The following ADAMTSL2 variants were observed in gnomAD, a reference collection of about 807,000 sequenced individuals.
The protein encoded by ADAMTSL2 is ADAMTS like 2.
A neutral mutation model predicts 117.0 loss-of-function variants in ADAMTSL2; 55 were observed. That is an observed-to-expected ratio of 0.47 (90% CI 0.38 to 0.59). The LOEUF (loss-of-function observed/expected upper bound fraction) is 0.59, where lower values mean the gene tolerates loss of function less well. ADAMTSL2 is among the 20% of genes least tolerant of loss of function. ADAMTSL2 has a pLI of 0.00. For synonymous variants in ADAMTSL2, 572 were observed against 566.4 expected (o/e 1.01, Z -0.14); for missense variants, 1,182 against 1,354.5 (o/e 0.87, Z 2.00).
At chr9:133,552,987 C>G (rs1231444066) in intron 9 of ADAMTSL2, among the ~76,000 whole-genome samples, 1 of 152,202 alleles carries the variant, frequency 6.6e-6, no homozygotes, top group Admixed American at 6.5e-5. Context: ...TGTATAGCCC[C>G]TTCTCCCAGG....
intron 9 of ADAMTSL2, among the ~76,000 whole-genome samples, chr9:133,553,964 C>T (rs1294490603): frequency 3.9e-5 from 6 of 152,216 alleles, no homozygotes; most frequent in Non-Finnish European, 4.4e-5. Context: ...AGAGGGACAC[C>T]GTGATTACTT....
Position 133,534,774 on chromosome 9 carries a change from G to C in ADAMTSL2, c.-294G>C, listed in dbSNP as rs1830008587. 1.4e-6 allele frequency: 2 copies of C among 1,471,142 alleles called. No homozygotes were observed. The highest frequency in any genetic ancestry group is 1.8e-6 in the Non-Finnish European group (2 of 1,105,782). 91.1% of individuals were successfully genotyped at this position (1,471,142 alleles called of 1,614,324 possible). ...TGAAGTGGGAGAGGGAGGCGGCGCG[G>C]GGGAGGAGGGGAAGGGGAGAGGGAG... On this transcript the variant is annotated 5_prime_UTR_variant, in exon 1 of 19. Coordinates refer to ENST00000651351, the MANE Select transcript of ADAMTSL2 (RefSeq NM_014694.4).
intron 7 of ADAMTSL2, among the ~76,000 whole-genome samples, chr9:133,541,316 T>C (rs1429517173): frequency 6.8e-6 from 1 of 147,136 alleles, no homozygotes; most frequent in Non-Finnish European, 1.5e-5. Flanking sequence ...TGAGACAGAG[T>C]CTTGCTCTGT....
At chr9:133,552,967 G>A (rs929444951) in intron 9 of ADAMTSL2, among the ~76,000 whole-genome samples, 2 of 152,194 alleles carry the variant, frequency 1.3e-5, no homozygotes, top group African/African-American at 2.4e-5. Flanking sequence ...TGGTCCTGCC[G>A]TTCCATTGGT....
chr9:133,537,686 C>T lies in ADAMTSL2; in HGVS notation c.233+139C>T, dbSNP rs566602426. 3.5e-4 allele frequency: 355 copies of T among 1,023,338 alleles called. No individual in the cohort carries two copies. The African/African-American group carries it at 5.4e-3, about 16-fold the overall frequency. 63.4% of individuals were successfully genotyped at this position (1,023,338 alleles called of 1,614,324 possible). A position where few individuals can be genotyped will look rare whatever the true frequency, so the allele number is the denominator to read the frequency against. On this transcript the variant is annotated intron_variant, in intron 3 of 18. Coordinates refer to ENST00000651351, the MANE Select transcript of ADAMTSL2 (RefSeq NM_014694.4). ...TTGGGGGCAGCACAGGCTGAGTCCCCCCATCAGCCTCTGCTGGACGCGGCT... is the reference window on the plus strand; with the variant it reads ...TTGGGGGCAGCACAGGCTGAGTCCCTCCATCAGCCTCTGCTGGACGCGGCT...
At position 133,573,873 on chromosome 9, in the gene ADAMTSL2, A is replaced by C. The variant is rs1831166796; in HGVS notation, c.2623A>C (p.Met875Leu). 3.1e-6 allele frequency: 5 copies of C among 1,614,026 alleles called. No homozygotes were observed. Residue 875 changes from methionine (M) to leucine (L), a missense_variant, in exon 18 of 19, where the codon ATG becomes CTG. Around this residue, in one of 3 missense-constraint regions of ADAMTSL2, gnomAD observed 465 missense variants for 565.3 expected, o/e 0.82. Coordinates refer to ENST00000651351, the MANE Select transcript of ADAMTSL2 (RefSeq NM_014694.4). ...CAAGACCTGCGGGGTGGGCGTGAGG[A>C]TGCGAGACGTCAAGTGCTACCAGGG... ...CTKTCGVGVRMRDVKCYQGTD... is the reference protein window; with the variant it reads ...CTKTCGVGVRLRDVKCYQGTD...
intron 15 of ADAMTSL2, among the ~76,000 whole-genome samples, chr9:133,569,178 TG>T (rs1325931953): frequency 6.6e-6 from 1 of 152,186 alleles, no homozygotes; most frequent in Non-Finnish European, 1.5e-5. Context: ...CGCCTCTGGG[TG>T]GTGGGTGCAC....
chr9:133,534,684 GC>G (rs1377736413), upstream of ADAMTSL2: 4 of 1,351,398 alleles, frequency 3.0e-6, no homozygotes, highest in Non-Finnish European at 3.8e-6. Context: ...TATAAAGGCG[GC>G]CGCCGGCGCA....
rs1268430304 is a variant in ADAMTSL2, at chr9:133,569,449, G to A, written c.2286G>A (p.Val762=). ...GGCAAGGCCGCACCATCAGGCACGT[G>A]TACTGCAAGACCAGCGACGGACGGG... ...SCGQGRTIRH[V]YCKTSDGRVV... is the part of the protein sequence containing the mutation. The change falls in exon 16 of 19, where the codon GTG becomes GTA. Residue 762 remains valine (V), a synonymous_variant. Transcript: ENST00000651351. 1.1e-5 allele frequency: 17 copies of A among 1,613,604 alleles called. No homozygotes were observed. In the South Asian group the frequency reaches 1.6e-4, roughly 16 times the overall value.
intron 6 of ADAMTSL2, 25 bp from the exon 7 acceptor site, chr9:133,540,853 G>A (rs773648833): frequency 2.5e-6 from 4 of 1,613,288 alleles, no homozygotes; most frequent in Non-Finnish European, 3.4e-6. Flanking sequence ...CCTCCCAGCA[G>A]CCCTCTCCCT....
At position 133,566,997 on chromosome 9, in the gene ADAMTSL2, C is replaced by T; in HGVS notation, c.1809C>T (p.Tyr603=). 1.2e-6 allele frequency: 2 copies of T among 1,611,514 alleles called. No homozygotes were observed. The highest frequency in any genetic ancestry group is 1.1e-5 in the South Asian group (1 of 90,494). The change falls in exon 13 of 19, where the codon TAC becomes TAT. Residue 603 remains tyrosine (Y), a synonymous_variant. Coordinates refer to ENST00000651351, the MANE Select transcript of ADAMTSL2 (RefSeq NM_014694.4). ...ATGGCGTCGAGGTGGATGACAGCTA[C>T]TGTGACGCCCTGACCCGTCCCGAGC... ...RYDGVEVDDS[Y]CDALTRPEPV... is the part of the protein sequence containing the mutation.
At chr9:133,536,256 A>C (rs886389497) in intron 1 of ADAMTSL2, among the ~76,000 whole-genome samples, 5 of 152,212 alleles carry the variant, frequency 3.3e-5, no homozygotes, top group African/African-American at 1.2e-4. Context: ...TTAAAATCCC[A>C]AGGTGCTCCT....
chr9:133,534,543 C>T (rs895166751), upstream of ADAMTSL2: 61 of 819,034 alleles, frequency 7.4e-5, no homozygotes, highest in Non-Finnish European at 9.5e-5. Context: ...CAGCAGCCAA[C>T]AGGCAGCTGG....
chr9:133,564,362 GAGGGA>G (rs1830875536), intron 12 of ADAMTSL2, among the ~76,000 whole-genome samples: 1 of 52,240 alleles, frequency 1.9e-5, no homozygotes, highest in Admixed American at 1.6e-4. Flanking sequence ...GGGAGAGAGA[GAGGGA>G]GAGAGAGGGA....
At chr9:133,541,674 C>T (rs1188729089) in intron 7 of ADAMTSL2, among the ~76,000 whole-genome samples, 1 of 152,210 alleles carries the variant, frequency 6.6e-6, no homozygotes, top group East Asian at 1.9e-4. Context: ...ACGCTGGATT[C>T]TGGGGCCTGA....
intron 2 of ADAMTSL2, 134 bp from the exon 3 acceptor site, chr9:133,537,271 C>A: frequency 2.0e-6 from 2 of 1,025,202 alleles, no homozygotes; most frequent in Non-Finnish European, 2.6e-6. Flanking sequence ...GCCGAGTGAC[C>A]CTGCAAGGGG....
Position 133,555,726 on chromosome 9 carries a change from T to G in ADAMTSL2, c.1445T>G (p.Phe482Cys). ...FTLNETVNSI[F>C]AQGAPRSSLA... ...CTCAATGAGACTGTGAACAGCATCT[T>G]TGCACAGGGCGCCCCAAGGAGCTCC... Residue 482 changes from phenylalanine (F) to cysteine (C), a missense_variant, in exon 11 of 19, where the codon TTT becomes TGT. This residue lies in a region of ADAMTSL2 where 345 missense variants were observed against 325.8 expected (regional missense o/e 1.06). Coordinates refer to ENST00000651351, the MANE Select transcript of ADAMTSL2 (RefSeq NM_014694.4). 1 of 1,613,994 alleles carries G rather than the reference T, an allele frequency of 6.2e-7. No homozygotes were observed. The highest frequency in any genetic ancestry group is 8.5e-7 in the Non-Finnish European group (1 of 1,180,026).
intron 9 of ADAMTSL2, among the ~76,000 whole-genome samples, chr9:133,551,810 A>C (rs1168780079): frequency 2.2e-5 from 3 of 133,378 alleles, no homozygotes; most frequent in African/African-American, 8.8e-5. Flanking sequence ...CCAAAGCAGC[A>C]GCTTTTTTTT....
At chr9:133,539,656 GCTGT>G (rs1454295411) in intron 4 of ADAMTSL2, 111 bp from the exon 5 acceptor site, 32 of 969,474 alleles carry the variant, frequency 3.3e-5, no homozygotes, top group Non-Finnish European at 5.0e-5. Context: ...CCCCCGCACG[GCTGT>G]CCCGGCTGTC....
Sources: allele counts gnomAD v4.1 joint callset (sites outside exome capture counted in the v4.1 genomes callset), GRCh38; gene constraint gnomAD v4.1.1; regional missense constraint gnomAD v4.1.1; transcripts MANE v1.5; gene names NCBI Gene and HGNC (gene_info 2026-07-23, HGNC 2026-07-21).